MPP7: variants seen among roughly 807,000 people sequenced by gnomAD.
MPP7 encodes the protein MAGUK p55 subfamily member 7.
Under a neutral mutation model 76.5 loss-of-function variants are expected in MPP7, and 60 were observed. The ratio of observed to expected loss-of-function variants is 0.78; its 90% CI spans 0.64 to 0.97. MPP7 has a LOEUF of 0.97. MPP7 is among the 50% of genes least tolerant of loss of function. The pLI is 0.00. For missense variants in MPP7, 641 were observed against 694.0 expected (o/e 0.92, Z 0.86); for synonymous variants, 237 against 244.5 (o/e 0.97, Z 0.29).
intron 1 of MPP7, among the ~76,000 whole-genome samples, chr10:28,290,968 CTT>C (rs1343105281): frequency 6.6e-6 from 1 of 152,186 alleles, no homozygotes; most frequent in African/African-American, 2.4e-5. Context: ...AACTTATTCT[CTT>C]GTTACAAAAT....
At chr10:28,220,320 T>G (rs974488916) in intron 2 of MPP7, among the ~76,000 whole-genome samples, 1 of 152,106 alleles carries the variant, frequency 6.6e-6, no homozygotes, top group South Asian at 2.1e-4. Flanking sequence ...AATAAAGCCA[T>G]AGAAAAATGA....
chr10:28,323,527 C>T (rs1240281304), intron 2 of MPP7, among the ~76,000 whole-genome samples: 1 of 151,604 alleles, frequency 6.6e-6, no homozygotes, highest in African/African-American at 2.4e-5. Flanking sequence ...AAGTTCTAAG[C>T]TTAGGAAAAA....
intron 12 of MPP7, among the ~76,000 whole-genome samples, chr10:28,087,389 T>C (rs118187580): frequency 0.015 from 2,344 of 152,082 alleles, 34 homozygotes; most frequent in Non-Finnish European, 0.021. Context: ...ACACATGCCT[T>C]TTTTTTTCTT....
chr10:28,097,139 G>A lies in MPP7; in HGVS notation c.953-7298C>T, dbSNP rs142977482. Among the ~76,000 whole-genome samples, 876 of 151,934 alleles carry A rather than the reference G, an allele frequency of 5.8e-3. 4 individuals carry two copies. The highest frequency in any genetic ancestry group is 8.6e-3 in the Non-Finnish European group (583 of 67,980). The stretch of plus-strand genomic sequence containing the variant: ...CAAGCAGCTGGACATACAGGCACAC[G>A]CCAACACACCTAGTTACTTTTCAAA... On this transcript the variant is annotated intron_variant, in intron 11 of 16. Coordinates refer to ENST00000683449, the MANE Select transcript of MPP7 (RefSeq NM_001318170.2).
intron 6 of MPP7, among the ~76,000 whole-genome samples, chr10:28,126,772 A>C (rs1257550689): frequency 1.3e-5 from 2 of 152,216 alleles, no homozygotes; most frequent in Non-Finnish European, 2.9e-5. Flanking sequence ...AGGCTATAAG[A>C]AGATCTGTAG....
chr10:28,159,625 T>C (rs911303939), intron 3 of MPP7, among the ~76,000 whole-genome samples: 16 of 152,132 alleles, frequency 1.1e-4, no homozygotes, highest in Non-Finnish European at 4.4e-5. Context: ...AGACTTGCAG[T>C]TGGAAGAGAG....
At chr10:28,086,727 A>C (rs1441079475) in intron 12 of MPP7, among the ~76,000 whole-genome samples, 1 of 152,180 alleles carries the variant, frequency 6.6e-6, no homozygotes, top group Non-Finnish European at 1.5e-5. Flanking sequence ...TGATTAAGGC[A>C]CACCCATGAA....
intron 2 of MPP7, among the ~76,000 whole-genome samples, chr10:28,313,308 C>A (rs892569075): frequency 1.2e-4 from 18 of 152,122 alleles, no homozygotes; most frequent in Admixed American, 4.6e-4. Context: ...GAGTTGGAGA[C>A]CAGCCTGATC....
intron 12 of MPP7, among the ~76,000 whole-genome samples, chr10:28,083,147 G>C (rs1308661737): frequency 6.6e-6 from 1 of 152,078 alleles, no homozygotes; most frequent in African/African-American, 2.4e-5. Context: ...ATATTATCCT[G>C]CCTCACAGGA....
intron 1 of MPP7, among the ~76,000 whole-genome samples, chr10:28,271,817 T>TA (rs1481619095): frequency 1.3e-5 from 2 of 151,854 alleles, no homozygotes; most frequent in Non-Finnish European, 2.9e-5. Context: ...CTACTAAAAA[T>TA]ACAAAAAATT....
chr10:28,061,844 T>TTCA (rs1554830985), intron 13 of MPP7, among the ~76,000 whole-genome samples: 1 of 598 alleles, frequency 1.7e-3, no homozygotes, highest in African/African-American at 0.011. Context: ...TGTCACAGAT[T>TTCA]TATTATAAAT....
intron 2 of MPP7, among the ~76,000 whole-genome samples, chr10:28,223,284 A>G (rs1163442790): frequency 6.6e-6 from 1 of 152,206 alleles, no homozygotes; most frequent in East Asian, 1.9e-4. Flanking sequence ...CATTTTCCAC[A>G]CTAATCACTG....
At chr10:28,099,527 G>A (rs771098909) in intron 11 of MPP7, among the ~76,000 whole-genome samples, 12 of 152,174 alleles carry the variant, frequency 7.9e-5, no homozygotes, top group African/African-American at 1.4e-4. Flanking sequence ...GGTTTAGGCC[G>A]GGTGTGGTGG....
intron 11 of MPP7, among the ~76,000 whole-genome samples, chr10:28,105,076 C>T (rs571645344): frequency 1.4e-5 from 2 of 143,116 alleles, no homozygotes; most frequent in South Asian, 4.5e-4. Flanking sequence ...ATCGCTTAAA[C>T]CAGGGAGTTG....
intron 12 of MPP7, among the ~76,000 whole-genome samples, chr10:28,071,413 C>T (rs1353732623): frequency 4.6e-5 from 7 of 152,110 alleles, no homozygotes; most frequent in Admixed American, 2.6e-4. Context: ...ACACCTGTCC[C>T]GAGGTGGTCA....
chr10:28,176,797 T>G (rs1464831121), intron 3 of MPP7, among the ~76,000 whole-genome samples: 1 of 149,224 alleles, frequency 6.7e-6, no homozygotes, highest in East Asian at 2.0e-4. Context: ...AAACACCACA[T>G]GTTCTCACTC....
chr10:28,286,101 T>C (rs1279101981), intron 1 of MPP7, among the ~76,000 whole-genome samples: 2 of 152,104 alleles, frequency 1.3e-5, no homozygotes, highest in African/African-American at 2.4e-5. Flanking sequence ...TCCCAGTACT[T>C]TGGGAGGCCG....
chr10:28,198,594 A>AAAAG (rs1011152518), intron 3 of MPP7, among the ~76,000 whole-genome samples: 1 of 152,042 alleles, frequency 6.6e-6, no homozygotes, highest in Non-Finnish European at 1.5e-5. Flanking sequence ...AAAAAAAAAA[A>AAAAG]AAAGAAAGAA....
chr10:28,248,670 C>A (rs1839516203), intron 1 of MPP7, among the ~76,000 whole-genome samples: 2 of 152,268 alleles, frequency 1.3e-5, no homozygotes, highest in East Asian at 1.9e-4. Context: ...AATCACACAC[C>A]ACATATATGG....
Sources: gnomAD v4.1 joint callset for allele counts (sites outside exome capture counted in the v4.1 genomes callset) on GRCh38, gnomAD v4.1.1 for gene constraint, MANE v1.5 for transcripts, NCBI Gene and HGNC (gene_info 2026-07-23, HGNC 2026-07-21) for gene names.